SOX5: variants seen among roughly 807,000 people sequenced by gnomAD.
SOX5 encodes the protein SRY-box transcription factor 5, also known as transcription factor SOX-5.
SOX5 carries 9 observed loss-of-function variants against 92.0 expected under a neutral mutation model. The observed-to-expected ratio is 0.10, with a 90% confidence interval of 0.06 to 0.17. The LOEUF (loss-of-function observed/expected upper bound fraction) is 0.17, where lower values mean the gene tolerates loss of function less well. SOX5 is among the 10% of genes least tolerant of loss of function. The probability of loss-of-function intolerance (pLI) is 1.00; values close to 1 mark genes in which losing one functional copy is unlikely to be tolerated. For synonymous variants in SOX5, 344 were observed against 336.3 expected (o/e 1.02, Z -0.25); for missense variants, 642 against 944.5 (o/e 0.68, Z 4.20).
intron 2 of SOX5, among the ~76,000 whole-genome samples, chr12:24,284,891 C>T (rs1020194275): frequency 3.3e-5 from 5 of 152,170 alleles, no homozygotes; most frequent in African/African-American, 1.2e-4. Flanking sequence ...TCGGGACGCT[C>T]AGTCGGGTGG....
chr12:24,332,916 C>T (rs1451588473), intron 2 of SOX5, among the ~76,000 whole-genome samples: 1 of 152,044 alleles, frequency 6.6e-6, no homozygotes, highest in Non-Finnish European at 1.5e-5. Context: ...GAAGTGTTGA[C>T]AGAGCCAAGA....
intron 4 of SOX5, among the ~76,000 whole-genome samples, chr12:24,156,572 TG>T (rs1457349537): frequency 5.9e-5 from 9 of 152,184 alleles, no homozygotes; most frequent in African/African-American, 2.4e-5. Flanking sequence ...GTTTATCTGC[TG>T]TATGTATTAA....
chr12:24,396,714 A>T (rs754137314), intron 1 of SOX5, among the ~76,000 whole-genome samples: 67 of 152,196 alleles, frequency 4.4e-4, no homozygotes, highest in Non-Finnish European at 1.0e-4. Context: ...TGCACCCAAA[A>T]TGGATGTGTT....
intron 7 of SOX5, 100 bp from the exon 8 acceptor site, chr12:23,640,997 G>T: frequency 1.3e-6 from 1 of 752,574 alleles, no homozygotes; most frequent in Non-Finnish European, 2.2e-6. Context: ...TCTTTTGTGT[G>T]CCTTGCTGAG....
rs193126896 is a variant in SOX5 at position 23,643,327 on chromosome 12, G to C, written c.932-2430C>G. Among the ~76,000 whole-genome samples, 32 of 152,312 alleles carry C rather than the reference G, an allele frequency of 2.1e-4. No homozygotes were observed. The East Asian group carries it at 6.0e-3, about 28-fold the overall frequency. On this transcript the variant is annotated intron_variant, in intron 7 of 14. Transcript: ENST00000451604. Reference sequence around the variant, plus strand: ...ACACAGATTAGAAGCAAGACTGCCAGGTGGGGCCTAAAGGGTGTTGTTGCG... The same window carrying C: ...ACACAGATTAGAAGCAAGACTGCCACGTGGGGCCTAAAGGGTGTTGTTGCG...
intron 2 of SOX5, among the ~76,000 whole-genome samples, chr12:24,289,912 T>C (rs2140497141): frequency 6.6e-6 from 1 of 152,336 alleles, no homozygotes; most frequent in Non-Finnish European, 1.5e-5. Flanking sequence ...TGGGGTTCCC[T>C]AAGCTCAAGT....
intron 4 of SOX5, among the ~76,000 whole-genome samples, chr12:24,049,247 A>G (rs1284946540): frequency 1.3e-5 from 2 of 152,142 alleles, no homozygotes; most frequent in African/African-American, 4.8e-5. Flanking sequence ...GACTTCTAAT[A>G]ACTGAAAGGG....
intron 1 of SOX5, among the ~76,000 whole-genome samples, chr12:23,902,501 T>G (rs1220230329): frequency 2.0e-5 from 3 of 152,136 alleles, no homozygotes; most frequent in Non-Finnish European, 4.4e-5. Flanking sequence ...AAGCCATCCC[T>G]TCCTACCACC....
chr12:24,399,365 A>G (rs1844803468), intron 1 of SOX5, among the ~76,000 whole-genome samples: 1 of 152,192 alleles, frequency 6.6e-6, no homozygotes, highest in African/African-American at 2.4e-5. Context: ...TACATATCAG[A>G]TATTTGTCAA....
At chr12:24,276,355 T>C (rs962366226) in intron 3 of SOX5, among the ~76,000 whole-genome samples, 2 of 152,154 alleles carry the variant, frequency 1.3e-5, no homozygotes, top group Admixed American at 1.3e-4. Flanking sequence ...ACACATACAC[T>C]TGCATCTTGA....
chr12:24,310,613 C>T (rs1377773128), intron 2 of SOX5, among the ~76,000 whole-genome samples: 1 of 152,100 alleles, frequency 6.6e-6, no homozygotes, highest in East Asian at 1.9e-4. Context: ...CAAAATCTAA[C>T]TTTGTAAATC....
intron 1 of SOX5, among the ~76,000 whole-genome samples, chr12:24,464,116 G>C (rs1943950610): frequency 6.6e-6 from 1 of 152,250 alleles, no homozygotes; most frequent in Non-Finnish European, 1.5e-5. Context: ...GATGGAATTT[G>C]GAATCTGTAC....
chr12:24,445,001 T>C (rs1941244241), intron 1 of SOX5, among the ~76,000 whole-genome samples: 1 of 152,122 alleles, frequency 6.6e-6, no homozygotes, highest in African/African-American at 2.4e-5. Context: ...CAATAAATAC[T>C]AGATGATTTT....
intron 2 of SOX5, among the ~76,000 whole-genome samples, chr12:23,895,006 T>G (rs2097163163): frequency 6.6e-6 from 1 of 152,070 alleles, no homozygotes; most frequent in Admixed American, 6.5e-5. Flanking sequence ...AACATTATGA[T>G]TCTATGTATT....
intron 1 of SOX5, among the ~76,000 whole-genome samples, chr12:24,370,243 G>A (rs534510768): frequency 1.4e-4 from 21 of 152,022 alleles, no homozygotes; most frequent in African/African-American, 4.8e-4. Flanking sequence ...GGGAGGCCAA[G>A]ACGGGTGGAT....
At chr12:23,588,160 A>G (rs1244681888) in intron 9 of SOX5, among the ~76,000 whole-genome samples, 1 of 152,034 alleles carries the variant, frequency 6.6e-6, no homozygotes, top group Non-Finnish European at 1.5e-5. Flanking sequence ...TTCTCAACAT[A>G]TTAAAGATGC....
chr12:24,123,632 C>A (rs913622582), intron 4 of SOX5, among the ~76,000 whole-genome samples: 3 of 152,172 alleles, frequency 2.0e-5, no homozygotes, highest in Non-Finnish European at 4.4e-5. Context: ...TAGAGCATAT[C>A]TCAAAAGCAA....
chr12:23,551,230 AC>A (rs1944146721), intron 11 of SOX5, among the ~76,000 whole-genome samples: 1 of 151,838 alleles, frequency 6.6e-6, no homozygotes, highest in Non-Finnish European at 1.5e-5. Flanking sequence ...GAAACAAAAA[AC>A]CCTCCAATTA....
chr12:23,821,118 T>C (rs1293254610), intron 3 of SOX5, among the ~76,000 whole-genome samples: 1 of 152,176 alleles, frequency 6.6e-6, no homozygotes, highest in African/African-American at 2.4e-5. Flanking sequence ...GGTTTGTAGT[T>C]CTCCTTGAAG....
Sources: gnomAD v4.1 joint callset for allele counts (sites outside exome capture counted in the v4.1 genomes callset) on GRCh38, gnomAD v4.1.1 for gene constraint, MANE v1.5 for transcripts, NCBI Gene and HGNC (gene_info 2026-07-23, HGNC 2026-07-21) for gene names.